The following ERCC5 variants were observed in gnomAD, a reference collection of about 807,000 sequenced individuals.
The protein encoded by ERCC5 is ERCC excision repair 5, endonuclease, also known as DNA excision repair protein ERCC-5.
Under a neutral mutation model 105.6 loss-of-function variants are expected in ERCC5, and 68 were observed. The ratio of observed to expected loss-of-function variants is 0.64; its 90% confidence interval spans 0.53 to 0.79. ERCC5 has a LOEUF of 0.79. Ranked by LOEUF, ERCC5 falls within the 30% of genes least tolerant of loss-of-function variation. ERCC5 has a pLI of 0.00. For missense variants in ERCC5, 1,373 were observed against 1,426.7 expected (o/e 0.96, Z 0.61); for synonymous variants, 546 against 526.2 (o/e 1.04, Z -0.51).
chr13:102,875,657 T>C lies in ERCC5; in HGVS notation c.3315T>C (p.Ala1105=). The C allele has an allele frequency of 6.2e-7, 1 of 1,614,148 alleles. No individual in the cohort carries two copies. Among genetic ancestry groups the C allele is most frequent in the Middle Eastern group, 1.7e-4 (1 of 6,060 alleles). The change falls in exon 15 of 15, where the codon GCT becomes GCC. Residue 1105 remains alanine, a synonymous_variant. Transcript: ENST00000652225. The part of the protein sequence containing the change: ...ESSDGSSSED[A]ESSSLMNVQR... ...CTGATGGATCTTCAAGTGAAGATGCTGAAAGTTCATCTTTAATGAATGTAC... is the reference window on the plus strand; with the variant it reads ...CTGATGGATCTTCAAGTGAAGATGCCGAAAGTTCATCTTTAATGAATGTAC...
At chr13:102,850,958 C>T (rs1382421069) in intron 1 of ERCC5, among the ~76,000 whole-genome samples, 1 of 152,146 alleles carries the variant, frequency 6.6e-6, no homozygotes, top group Non-Finnish European at 1.5e-5. Context: ...GCAGGAAAAC[C>T]AGCAGAGCGC....
intron 7 of ERCC5, among the ~76,000 whole-genome samples, 148 bp from the exon 8 acceptor site, chr13:102,861,877 TTAAAA>T (rs1595382662): frequency 6.6e-6 from 1 of 152,338 alleles, no homozygotes; most frequent in East Asian, 1.9e-4. Context: ...CCAAACCACT[TTAAAA>T]TTAGCTAATG....
At chr13:102,861,289 A>G (rs989028185) in intron 6 of ERCC5, among the ~76,000 whole-genome samples, 1 of 152,084 alleles carries the variant, frequency 6.6e-6, no homozygotes, top group African/African-American at 2.4e-5. Context: ...GCACCTGGCC[A>G]TAGTATTCAT....
rs41557014 is a variant in ERCC5, at chr13:102,858,137, T to C, written c.529-138T>C. The C allele has an allele frequency of 4.1e-6, 5 of 1,224,648 alleles. No homozygotes were observed. In the East Asian group the frequency reaches 1.0e-4, roughly 25 times the overall value. The allele number at this position is 1,224,648 out of a possible 1,614,324, so 75.9% of individuals were successfully genotyped here. ...ACTCACTTTGTTGCCTGTCACAGAT[T>C]ATATGCAACTGTGTTTAGCCAATTG... On this transcript the variant is annotated intron_variant, in intron 5 of 14. Coordinates refer to ENST00000652225, the MANE Select transcript of ERCC5 (RefSeq NM_000123.4).
At chr13:102,846,726 A>C (rs1278403380) in intron 1 of ERCC5, among the ~76,000 whole-genome samples, 2 of 152,046 alleles carry the variant, frequency 1.3e-5, no homozygotes, top group Non-Finnish European at 2.9e-5. Flanking sequence ...AATTTTTTGT[A>C]GTTTTTATTG....
rs747957305 is a variant in ERCC5 at position 102,852,235 on chromosome 13, G to T, written c.206G>T (p.Arg69Leu). 5.0e-6 allele frequency: 8 copies of T among 1,613,804 alleles called. No individual in the cohort carries two copies. The East Asian group carries it at 1.8e-4, about 36-fold the overall frequency. The change falls in exon 2 of 15, where the codon CGA becomes CTA. Residue 69 changes from arginine to leucine, a missense_variant. Arg to Leu is a moderately radical substitution (Grantham distance 102). Transcript: ENST00000652225. ...CGGCTCTGCAAACTCTTATTTTTTC[G>T]AATTCGTCCTATTTTTGTGTTTGAT... ...FHRLCKLLFFRIRPIFVFDGD... is the reference protein window; with the variant it reads ...FHRLCKLLFFLIRPIFVFDGD...
In ERCC5 at chr13:102,846,331, T is replaced by A. The variant is rs1396039188; in HGVS notation, c.65T>A (p.Leu22Gln). ...CSGRQVSPEA[L>Q]EGKILAVDIS... ...GGGCGGCAGGTCAGCCCCGAAGCGC[T>A]GGAAGGGAAGATCCTGGCTGTTGGT... is the stretch of plus-strand genomic sequence containing the variant. The change falls in exon 1 of 15, where the codon CTG becomes CAG. Residue 22 changes from leucine (L) to glutamine (Q), a missense_variant. Leu to Gln is a moderately radical substitution (Grantham distance 113). Coordinates refer to ENST00000652225, the MANE Select transcript of ERCC5 (RefSeq NM_000123.4). The A allele has an allele frequency of 1.2e-6, 2 of 1,613,960 alleles. No individual in the cohort carries two copies. Among genetic ancestry groups the A allele is most frequent in the Admixed American group, 1.7e-5 (1 of 60,002 alleles).
chr13:102,874,853 T>C (rs1883157744), intron 14 of ERCC5: 1 of 162,202 alleles, frequency 6.2e-6, no homozygotes, highest in Non-Finnish European at 1.3e-5. Context: ...ATTTACTGAA[T>C]AAAAGGCATG....
chr13:102,863,604 C>T (rs772172869), intron 8 of ERCC5, among the ~76,000 whole-genome samples: 1 of 152,126 alleles, frequency 6.6e-6, no homozygotes, highest in Non-Finnish European at 1.5e-5. Flanking sequence ...ATTGCCTGAT[C>T]ACTAAAATTT....
Position 102,872,391 on chromosome 13 carries a change from A to G in ERCC5, c.2872A>G (p.Ile958Val). 4 of 1,614,196 alleles carry G rather than the reference A, an allele frequency of 2.5e-6. No homozygotes were observed. Among genetic ancestry groups the G allele is most frequent in the Non-Finnish European group, 3.4e-6 (4 of 1,180,036 alleles). The change falls in exon 13 of 15, where the codon ATT (isoleucine) becomes GTT (valine). Residue 958 changes from isoleucine (I) to valine (V), a missense_variant. Physicochemically the swap from Ile to Val is conservative, Grantham distance 29. Transcript: ENST00000652225. Reference sequence around the variant, plus strand: ...GTGGGGGAAACCTGATCTCGACAAAATTAGAGAATATCCTTTGCTTCTTAA... The same window carrying G: ...GTGGGGGAAACCTGATCTCGACAAAGTTAGAGAATATCCTTTGCTTCTTAA... The part of the protein sequence containing the change: ...FLWGKPDLDK[I>V]REFCQRYFGW...
At chr13:102,873,214 G>A in intron 13 of ERCC5, 45 bp from the exon 14 acceptor site, 2 of 1,611,016 alleles carry the variant, frequency 1.2e-6, no homozygotes, top group Non-Finnish European at 1.7e-6. Context: ...TTTGTCACTT[G>A]TTTAAATATC....
At position 102,861,696 on chromosome 13, in the gene ERCC5, C is replaced by G. The variant is rs1271497445; in HGVS notation, c.862C>G (p.His288Asp). The change falls in exon 7 of 15, where the codon CAT (histidine) becomes GAT (aspartate). Residue 288 changes from histidine (H) to aspartate (D), a missense_variant. Transcript: ENST00000652225. ...SRRVVSEDTSHYILIKGIQAK... is the reference protein window; with the variant it reads ...SRRVVSEDTSDYILIKGIQAK... Reference sequence around the variant, plus strand: ...GAGAGTGGTCTCTGAAGACACTTCACATTACATCTTGATAAAAGGTATCAG... The same window carrying G: ...GAGAGTGGTCTCTGAAGACACTTCAGATTACATCTTGATAAAAGGTATCAG... 1 of 1,614,120 alleles carries G rather than the reference C, an allele frequency of 6.2e-7. No homozygotes were observed. Among genetic ancestry groups the G allele is most frequent in the Admixed American group, 1.7e-5 (1 of 60,030 alleles).
Position 102,875,410 on chromosome 13 carries a change from T to TA in ERCC5, c.3070dup (p.Arg1024LysfsTer23). 6.2e-7 allele frequency: 1 copy of TA among 1,614,086 alleles called. No homozygotes were observed. Among genetic ancestry groups the TA allele is most frequent in the Non-Finnish European group, 8.5e-7 (1 of 1,180,022 alleles). On this transcript the variant is annotated frameshift_variant, in exon 15 of 15. Coordinates refer to ENST00000652225, the MANE Select transcript of ERCC5 (RefSeq NM_000123.4). LOFTEE classifies it low-confidence loss of function (END_TRUNC). ...CTAAACAGAGCTGTGACATGTATGC[T>TA]AAGGAAAGAGAAAGAAGCAGCAGCC...
rs376917307 is a variant in ERCC5 at position 102,866,676 on chromosome 13, G to A, written c.2364G>A (p.Met788Ile). 50 of 1,614,010 alleles carry A rather than the reference G, an allele frequency of 3.1e-5. No individual in the cohort carries two copies. Among genetic ancestry groups the A allele is most frequent in the African/African-American group, 5.3e-5 (4 of 74,952 alleles). The stretch of plus-strand genomic sequence containing the variant: ...GCATTCCCTACATCCAGGCTCCCAT[G>A]GAAGCAGAGGCGCAGTGCGCCATCC... ...LFGIPYIQAP[M>I]EAEAQCAILD... The change falls in exon 11 of 15, where the codon ATG becomes ATA. Residue 788 changes from methionine (M) to isoleucine (I), a missense_variant. Met to Ile is a conservative substitution (Grantham distance 10). Coordinates refer to ENST00000652225, the MANE Select transcript of ERCC5 (RefSeq NM_000123.4).
At chr13:102,867,646 A>C (rs1882885270) in intron 11 of ERCC5, among the ~76,000 whole-genome samples, 1 of 152,200 alleles carries the variant, frequency 6.6e-6, no homozygotes, top group Non-Finnish European at 1.5e-5. Context: ...GTATGCAGGC[A>C]GATTGAATGT....
chr13:102,868,947 C>A (rs1293751766), intron 12 of ERCC5, among the ~76,000 whole-genome samples: 5 of 152,194 alleles, frequency 3.3e-5, no homozygotes, highest in Non-Finnish European at 1.5e-5. Context: ...GAAATATAGT[C>A]ACATACCACA....
chr13:102,855,371 T>C (rs1882373236), intron 4 of ERCC5, among the ~76,000 whole-genome samples: 1 of 152,028 alleles, frequency 6.6e-6, no homozygotes, highest in Admixed American at 6.6e-5. Context: ...TGCCTCAGCC[T>C]CCGGAGTAGC....
chr13:102,875,838 A>C lies in ERCC5; in HGVS notation c.3496A>C (p.Arg1166=), dbSNP rs1883204030. 3 of 1,613,238 alleles carry C rather than the reference A, an allele frequency of 1.9e-6. No homozygotes were observed. The highest frequency in any genetic ancestry group is 2.5e-6 in the Non-Finnish European group (3 of 1,180,004). ...GKEKMVLVTA[R]SVFGKKRRKL... is the part of the protein sequence containing the mutation. The stretch of plus-strand genomic sequence containing the variant: ...AGAGAAGATGGTCCTCGTGACCGCC[A>C]GATCTGTGTTTGGGAAGAAAAGAAG... Residue 1166 remains arginine (R), a synonymous_variant, in exon 15 of 15, where the codon AGA becomes CGA. Coordinates refer to ENST00000652225, the MANE Select transcript of ERCC5 (RefSeq NM_000123.4).
chr13:102,855,449 C>T (rs1489456797), intron 4 of ERCC5, among the ~76,000 whole-genome samples: 1 of 152,114 alleles, frequency 6.6e-6, no homozygotes, highest in Non-Finnish European at 1.5e-5. Context: ...CGAGGTTTCA[C>T]CATGTTGTCC....
Sources: allele counts gnomAD v4.1 joint callset (sites outside exome capture counted in the v4.1 genomes callset), GRCh38; gene constraint gnomAD v4.1.1; transcripts MANE v1.5; gene names NCBI Gene and HGNC (gene_info 2026-07-23, HGNC 2026-07-21).